The following ZNF280D variants were observed in gnomAD, a reference collection of about 807,000 sequenced individuals.
ZNF280D encodes zinc finger protein 280D, also known as suppressor of hairy wing homolog 4.
In ZNF280D, 39 loss-of-function variants were observed where a neutral mutation model predicts 94.7. That is an observed-to-expected ratio of 0.41 (90% CI 0.32 to 0.54). The LOEUF (loss-of-function observed/expected upper bound fraction) is 0.54. Ranked by LOEUF, ZNF280D falls within the 20% of genes least tolerant of loss-of-function variation. The pLI, the probability that ZNF280D is intolerant of heterozygous loss-of-function variation, is 0.22. For synonymous variants in ZNF280D, 398 were observed against 377.6 expected (o/e 1.05, Z -0.63); for missense variants, 1,090 against 1,149.3 (o/e 0.95, Z 0.75).
Position 56,682,488 on chromosome 15 carries a change from A to G in ZNF280D, c.781-11T>C, listed in dbSNP as rs781150406. On this transcript the variant is annotated splice_polypyrimidine_tract_variant and intron_variant, in intron 9 of 21. Coordinates refer to ENST00000267807, the MANE Select transcript of ZNF280D (RefSeq NM_017661.4). ...GTCTGGACAACAATACTGAAAGAGA[A>G]AAAAAAAAAAAAAAAACAAGCCTTA... The G allele has an allele frequency of 2.3e-5, 26 of 1,152,198 alleles. No homozygotes were observed. Among genetic ancestry groups the G allele is most frequent in the South Asian group, 1.5e-4 (9 of 59,764 alleles). 71.4% of individuals were successfully genotyped at this position (1,152,198 alleles called of 1,614,324 possible).
chr15:56,632,538 C>T (rs1350669070), intron 21 of ZNF280D, among the ~76,000 whole-genome samples: 2 of 146,428 alleles, frequency 1.4e-5, no homozygotes, highest in Non-Finnish European at 3.0e-5. Context: ...TGCTCTGTCA[C>T]CCAGACAGGA....
At chr15:56,712,846 T>C (rs1490377351) in intron 1 of ZNF280D, among the ~76,000 whole-genome samples, 1 of 150,980 alleles carries the variant, frequency 6.6e-6, no homozygotes, top group African/African-American at 2.4e-5. Context: ...GTTCAAGTGA[T>C]TCTCCTGCCT....
intron 1 of ZNF280D, among the ~76,000 whole-genome samples, chr15:56,713,896 T>G (rs2057903698): frequency 6.6e-6 from 1 of 152,170 alleles, no homozygotes; most frequent in Admixed American, 6.5e-5. Context: ...TGATACCTAC[T>G]TTGGCACTAT....
intron 20 of ZNF280D, among the ~76,000 whole-genome samples, chr15:56,638,885 C>T (rs778421262): frequency 1.1e-4 from 16 of 152,056 alleles, no homozygotes; most frequent in Middle Eastern, 3.4e-3. Flanking sequence ...CAAACACATA[C>T]GGTTTTCAAT....
chr15:56,664,584 T>C lies in ZNF280D; in HGVS notation c.1994+1811A>G, dbSNP rs146247951. Among the ~76,000 whole-genome samples the C allele has an allele frequency of 1.1e-4, 16 of 152,290 alleles. No individual in the cohort carries two copies. The East Asian group carries it at 2.1e-3, about 20-fold the overall frequency. ...TTTAGGAAAAATAAAAAGGATGACC[T>C]ACAATTGACTAATTAATAGGCCAAG... On this transcript the variant is annotated intron_variant, in intron 16 of 21. Transcript: ENST00000267807.
chr15:56,669,998 TATATATATATA>T (rs1566961476), intron 13 of ZNF280D, among the ~76,000 whole-genome samples: 19 of 766 alleles, frequency 0.025, 4 homozygotes, highest in Admixed American at 0.056. Flanking sequence ...ATATATATAT[TATATATATATA>T]ATATATATAT....
At chr15:56,717,248 C>A (rs537513607) in intron 1 of ZNF280D, among the ~76,000 whole-genome samples, 1 of 152,064 alleles carries the variant, frequency 6.6e-6, no homozygotes, top group Admixed American at 6.6e-5. Context: ...TAAATAGATG[C>A]TGGGTGGCAA....
At chr15:56,636,739 C>A (rs150277896) in intron 20 of ZNF280D, among the ~76,000 whole-genome samples, 90 of 152,238 alleles carry the variant, frequency 5.9e-4, no homozygotes, top group African/African-American at 2.2e-3. Flanking sequence ...CCACCTCGGC[C>A]TCCCAAAGTG....
chr15:56,649,814 C>A (rs1434792586), intron 19 of ZNF280D, among the ~76,000 whole-genome samples: 1 of 151,846 alleles, frequency 6.6e-6, no homozygotes, highest in Non-Finnish European at 1.5e-5. Flanking sequence ...TATCTCTTAA[C>A]AGAAATAATA....
intron 3 of ZNF280D, among the ~76,000 whole-genome samples, chr15:56,704,561 T>C (rs564396149): frequency 1.3e-5 from 2 of 152,202 alleles, no homozygotes; most frequent in Non-Finnish European, 2.9e-5. Context: ...ATACATAGAA[T>C]ATGATTATCT....
At chr15:56,723,855 G>T (rs573249700) in intron 1 of ZNF280D, among the ~76,000 whole-genome samples, 4 of 151,908 alleles carry the variant, frequency 2.6e-5, no homozygotes, top group African/African-American at 4.8e-5. Context: ...TGAAAATATC[G>T]TAAGTTGAAA....
At chr15:56,702,551 A>C (rs1323815671) in intron 4 of ZNF280D, among the ~76,000 whole-genome samples, 2 of 152,238 alleles carry the variant, frequency 1.3e-5, no homozygotes, top group South Asian at 4.1e-4. Context: ...AGTCATCTAC[A>C]ATCAGTATAA....
intron 17 of ZNF280D, among the ~76,000 whole-genome samples, chr15:56,655,320 G>A (rs1438238684): frequency 6.6e-6 from 1 of 152,168 alleles, no homozygotes; most frequent in Non-Finnish European, 1.5e-5. Flanking sequence ...CGATTCTCCT[G>A]CCTCAGGCCC....
chr15:56,725,094 C>T (rs773951299), intron 1 of ZNF280D: 3 of 262,570 alleles, frequency 1.1e-5, no homozygotes, highest in Non-Finnish European at 2.3e-5. Flanking sequence ...CCAGGCTTAG[C>T]TTCTTAGATT....
At position 56,631,176 on chromosome 15, in the gene ZNF280D, T is replaced by G. The variant is rs1440209541; in HGVS notation, c.*322A>C. ...ATGGAAGTTTGAAAGGCTTTATAAA[T>G]ATTACTAATATCATCAATTCATGTC... On this transcript the variant is annotated 3_prime_UTR_variant, in exon 22 of 22. Transcript: ENST00000267807. 9.1e-6 allele frequency: 2 copies of G among 220,468 alleles called. No individual in the cohort carries two copies. Among genetic ancestry groups the G allele is most frequent in the Non-Finnish European group, 1.8e-5 (2 of 110,504 alleles). The allele number at this position is 220,468 out of a possible 1,614,324, so 13.7% of individuals were successfully genotyped here.
chr15:56,667,485 C>T (rs952054583), intron 14 of ZNF280D, among the ~76,000 whole-genome samples: 6 of 152,146 alleles, frequency 3.9e-5, no homozygotes, highest in Admixed American at 3.9e-4. Flanking sequence ...GGAGGAGTTA[C>T]ATCAATTTAT....
chr15:56,692,778 AAC>A (rs1450778926), intron 7 of ZNF280D, among the ~76,000 whole-genome samples: 47 of 152,242 alleles, frequency 3.1e-4, no homozygotes, highest in African/African-American at 1.1e-3. Flanking sequence ...TACTTTTTTA[AAC>A]AGAGTATTCA....
At chr15:56,700,206 T>A in intron 6 of ZNF280D, 1 of 966,946 alleles carries the variant, frequency 1.0e-6, no homozygotes, top group Non-Finnish European at 1.2e-6. Context: ...TATATGTATG[T>A]ATGTGTGCAT....
chr15:56,727,276 AT>A, intron 1 of ZNF280D, among the ~76,000 whole-genome samples: 1 of 152,172 alleles, frequency 6.6e-6, no homozygotes, highest in Non-Finnish European at 1.5e-5. Flanking sequence ...CCTGGCCAAC[AT>A]GGCAAAACCC....
Sources: gnomAD v4.1 joint callset for allele counts (sites outside exome capture counted in the v4.1 genomes callset) on GRCh38, gnomAD v4.1.1 for gene constraint, MANE v1.5 for transcripts, NCBI Gene and HGNC (gene_info 2026-07-23, HGNC 2026-07-21) for gene names.